The following CAST variants were observed in gnomAD, a reference collection of about 807,000 sequenced individuals.
CAST encodes calpastatin, also known as MIR583 host.
CAST carries 76 observed loss-of-function variants against 119.6 expected under a neutral mutation model. The observed-to-expected ratio is 0.64, with a 90% CI of 0.53 to 0.77. CAST has a LOEUF of 0.77. Among genes scored for constraint, CAST ranks in the 30% least tolerant of loss-of-function variants. CAST has a pLI of 0.00. For missense variants in CAST, 953 were observed against 946.5 expected, an observed-to-expected ratio of 1.01 and a Z score of -0.09; for synonymous variants, 319 against 331.6, an observed-to-expected ratio of 0.96 and a Z score of 0.41.
At chr5:96,116,882 G>A in the CAST span, among the ~76,000 whole-genome samples, 6 of 152,114 alleles carry the variant, frequency 3.9e-5, no homozygotes, top group African/African-American at 1.4e-4. Flanking sequence ...AGAGTTTGTG[G>A]CTTGCATTTT....
chr5:95,983,574 A>G, the CAST span, among the ~76,000 whole-genome samples: 52 of 152,348 alleles, frequency 3.4e-4, no homozygotes, highest in South Asian at 3.5e-3. Context: ...AAAATACGCC[A>G]TCAAATATTG....
chr5:96,083,565 A>G, the CAST span, among the ~76,000 whole-genome samples: 8,102 of 152,290 alleles, frequency 0.053, 382 homozygotes, highest in East Asian at 0.28. Flanking sequence ...GAAAATTAAC[A>G]TGTCTATTTT....
chr5:96,108,620 T>C, the CAST span, among the ~76,000 whole-genome samples: 2 of 151,908 alleles, frequency 1.3e-5, no homozygotes, highest in African/African-American at 4.8e-5. Flanking sequence ...ACCACTGCTC[T>C]CTTCAAAGCT....
At chr5:96,518,389 G>A in the CAST span, among the ~76,000 whole-genome samples, 1 of 152,118 alleles carries the variant, frequency 6.6e-6, no homozygotes, top group African/African-American at 2.4e-5. Context: ...TATCTGGGAG[G>A]GTGAGAGACT....
chr5:96,555,706 G>A (rs958557091), intron 1 of CAST, among the ~76,000 whole-genome samples: 7 of 152,238 alleles, frequency 4.6e-5, no homozygotes, highest in Admixed American at 3.3e-4. Flanking sequence ...CGAGGCTTGA[G>A]TAGGTAAACA....
intron 3 of CAST, 35 bp downstream of exon 3, chr5:96,695,942 T>C (rs750016883): frequency 1.2e-5 from 17 of 1,474,692 alleles, no homozygotes; most frequent in Non-Finnish European, 1.5e-5. Flanking sequence ...AGACCCCTAC[T>C]GTATTCTACA....
the CAST span, among the ~76,000 whole-genome samples, chr5:95,963,725 CTTTTTTT>C: frequency 2.3e-4 from 30 of 129,974 alleles, no homozygotes; most frequent in South Asian, 4.9e-4. Flanking sequence ...TTCTCTCTCT[CTTTTTTT>C]TTTTTTTTTT....
At chr5:96,204,101 A>C in the CAST span, among the ~76,000 whole-genome samples, 1 of 152,060 alleles carries the variant, frequency 6.6e-6, no homozygotes, top group Non-Finnish European at 1.5e-5. Context: ...TTAACTTAGT[A>C]AAACCCAAAT....
the CAST span, among the ~76,000 whole-genome samples, chr5:96,283,858 G>A: frequency 4.5e-4 from 68 of 152,174 alleles, no homozygotes; most frequent in Non-Finnish European, 6.2e-4. Flanking sequence ...TGTTAGTAAC[G>A]GAAGGTCAGG....
At chr5:96,238,109 A>G in the CAST span, among the ~76,000 whole-genome samples, 2 of 152,136 alleles carry the variant, frequency 1.3e-5, no homozygotes, top group Admixed American at 1.3e-4. Context: ...AAGAAAATAA[A>G]GAACACTCAT....
At chr5:96,615,000 A>G (rs1420576617) in intron 1 of CAST, among the ~76,000 whole-genome samples, 1 of 152,252 alleles carries the variant, frequency 6.6e-6, no homozygotes, top group Non-Finnish European at 1.5e-5. Flanking sequence ...GTTCAACTTA[A>G]GATTTTTGAA....
At chr5:96,509,871 A>C in the CAST span, among the ~76,000 whole-genome samples, 1 of 152,252 alleles carries the variant, frequency 6.6e-6, no homozygotes, top group African/African-American at 2.4e-5. Context: ...AACAACCTCT[A>C]AACCAGAACA....
chr5:96,421,897 A>T, the CAST span: 1 of 1,549,504 alleles, frequency 6.5e-7, no homozygotes, highest in Middle Eastern at 1.7e-4. Context: ...CGTTTGTGGG[A>T]TCATATCGGG....
the CAST span, among the ~76,000 whole-genome samples, chr5:96,369,976 C>T: frequency 6.6e-6 from 1 of 151,982 alleles, no homozygotes; most frequent in Non-Finnish European, 1.5e-5. Flanking sequence ...TATGTCATGA[C>T]TTAGGTTAAA....
chr5:96,107,045 C>T, the CAST span, among the ~76,000 whole-genome samples: 15 of 143,016 alleles, frequency 1.0e-4, no homozygotes, highest in African/African-American at 3.9e-4. Flanking sequence ...AGGATTGCAA[C>T]CCCTGCCTTT....
the CAST span, among the ~76,000 whole-genome samples, chr5:96,502,853 C>G: frequency 6.6e-6 from 1 of 152,172 alleles, no homozygotes; most frequent in Admixed American, 6.5e-5. Flanking sequence ...ACATGGCACT[C>G]TATAATACAG....
chr5:96,242,415 G>A, the CAST span, among the ~76,000 whole-genome samples: 4 of 152,060 alleles, frequency 2.6e-5, no homozygotes, highest in African/African-American at 9.7e-5. Flanking sequence ...ACCTGCATGA[G>A]CCACCATGTC....
At chr5:96,497,221 T>C in the CAST span, among the ~76,000 whole-genome samples, 1 of 152,146 alleles carries the variant, frequency 6.6e-6, no homozygotes, top group East Asian at 1.9e-4. Context: ...TAGTATTCCA[T>C]GGTGTATATG....
the CAST span, among the ~76,000 whole-genome samples, chr5:96,416,376 T>G: frequency 5.3e-5 from 8 of 152,246 alleles, no homozygotes; most frequent in Non-Finnish European, 8.8e-5. Context: ...GTTACTTGTC[T>G]GCAAAGGCTT....
Sources: gnomAD v4.1 joint callset for allele counts (sites outside exome capture counted in the v4.1 genomes callset) on GRCh38, gnomAD v4.1.1 for gene constraint, MANE v1.5 for transcripts, NCBI Gene and HGNC (gene_info 2026-07-23, HGNC 2026-07-21) for gene names.